Variants in PTPRD observed in about 807,000 individuals in gnomAD.
PTPRD encodes the protein receptor-type tyrosine-protein phosphatase delta.
A neutral mutation model predicts 214.5 loss-of-function variants in PTPRD; 34 were observed. That is an observed-to-expected ratio of 0.16 (90% CI 0.12 to 0.21). PTPRD has a LOEUF of 0.21. Among genes scored for constraint, PTPRD ranks in the 10% least tolerant of loss-of-function variants. PTPRD has a pLI of 1.00. For missense variants in PTPRD, 2,545 were observed against 2,398.7 expected, an observed-to-expected ratio of 1.06 and a Z score of -1.27; for synonymous variants, 1,128 against 845.7, an observed-to-expected ratio of 1.33 and a Z score of -5.79.
chr9:8,526,943 T>C (rs2074311765), intron 16 of PTPRD, among the ~76,000 whole-genome samples: 1 of 149,920 alleles, frequency 6.7e-6, no homozygotes, highest in Non-Finnish European at 1.5e-5. Context: ...TTATATCTTA[T>C]ATGCCTCATA....
rs144439068 is a variant in PTPRD at position 8,435,698 on chromosome 9, A to AATAT, written c.4086+893_4086+894insATAT. ...TGATTGATATATACCACAATATCCA[A>AATAT]ATACACACACACACACACACACACA... On this transcript the variant is annotated intron_variant, in intron 35 of 45. Transcript: ENST00000381196. 2.8e-5 allele frequency among the ~76,000 whole-genome samples: 3 copies of AATAT among 106,860 alleles called. No homozygotes were observed. The South Asian group carries it at 8.9e-4, about 32-fold the overall frequency. The allele number at this position is 106,860 out of a possible 152,430, so 70.1% of individuals were successfully genotyped here. A position where few individuals can be genotyped will look rare whatever the true frequency, so the allele number is the denominator to read the frequency against.
At chr9:8,670,483 G>A (rs2097261012) in intron 12 of PTPRD, among the ~76,000 whole-genome samples, 2 of 152,096 alleles carry the variant, frequency 1.3e-5, no homozygotes, top group South Asian at 4.1e-4. Context: ...TGGCTAATAA[G>A]TAGATTTTAC....
chr9:9,525,814 C>CTTT (rs1199877995), intron 8 of PTPRD, among the ~76,000 whole-genome samples: 1 of 145,404 alleles, frequency 6.9e-6, no homozygotes, highest in African/African-American at 2.5e-5. Flanking sequence ...CCTTTGTAAA[C>CTTT]TTTTTTTTTT....
intron 7 of PTPRD, among the ~76,000 whole-genome samples, chr9:9,665,043 A>G (rs2096691440): frequency 6.6e-6 from 1 of 151,714 alleles, no homozygotes. Context: ...GTCACTCTTC[A>G]TATGTGTATA....
intron 11 of PTPRD, among the ~76,000 whole-genome samples, chr9:9,014,557 C>T (rs547355967): frequency 5.3e-5 from 8 of 152,154 alleles, no homozygotes; most frequent in African/African-American, 1.9e-4. Flanking sequence ...GATTCCTTGC[C>T]AGGAATAATC....
chr9:8,473,285 T>A (rs887557884), intron 30 of PTPRD, among the ~76,000 whole-genome samples: 5 of 152,148 alleles, frequency 3.3e-5, no homozygotes, highest in Admixed American at 1.3e-4. Context: ...TCAAGGAGGA[T>A]GAGGAGAAGG....
chr9:8,479,737 A>C (rs535474847), intron 30 of PTPRD, among the ~76,000 whole-genome samples: 2 of 152,344 alleles, frequency 1.3e-5, no homozygotes, highest in East Asian at 3.9e-4. Context: ...TAAATAAAAG[A>C]AAGTATTGAA....
intron 8 of PTPRD, among the ~76,000 whole-genome samples, chr9:9,468,981 C>T (rs1458470807): frequency 6.6e-6 from 1 of 152,016 alleles, no homozygotes; most frequent in Non-Finnish European, 1.5e-5. Context: ...ACCATTCAAT[C>T]CTTCATCAAA....
chr9:9,275,127 ATTAT>A (rs1287978206), intron 9 of PTPRD, among the ~76,000 whole-genome samples: 1 of 55,212 alleles, frequency 1.8e-5, no homozygotes, highest in Non-Finnish European at 3.3e-5. Context: ...TATTATATAT[ATTAT>A]ATATAATATA....
At chr9:8,338,872 T>C (rs759963520) in intron 43 of PTPRD, 50 bp downstream of exon 43, 1 of 916,504 alleles carries the variant, frequency 1.1e-6, no homozygotes, top group South Asian at 1.8e-5. Context: ...AGAGGTATCT[T>C]AGACTACTTT....
In PTPRD at chr9:8,731,826, G is replaced by T. The variant is rs544770887; in HGVS notation, c.64+1954C>A. On this transcript the variant is annotated intron_variant, in intron 12 of 45. Coordinates refer to ENST00000381196, the MANE Select transcript of PTPRD (RefSeq NM_002839.4). Reference sequence around the variant, plus strand: ...AGAGTGCCAAATGAATCTGTGAAAAGGAAAATATACTACATGGAGGCTGAT... The same window carrying T: ...AGAGTGCCAAATGAATCTGTGAAAATGAAAATATACTACATGGAGGCTGAT... 4.7e-4 allele frequency among the ~76,000 whole-genome samples: 71 copies of T among 152,298 alleles called. 2 individuals carry two copies. Among genetic ancestry groups the T allele is most frequent in the African/African-American group, 1.7e-3 (69 of 41,554 alleles).
rs190007027 is a variant in PTPRD, at chr9:10,303,498, A to G, written c.-545+37465T>C. Among the ~76,000 whole-genome samples, 77 of 152,304 alleles carry G rather than the reference A, an allele frequency of 5.1e-4. 1 individual carries two copies. The highest frequency in any genetic ancestry group is 1.4e-3 in the African/African-American group (58 of 41,586). ...AGCTGTTTTTTATAAAAGATCAACA[A>G]AATAGATAGACCACTAGACAGACTA... On this transcript the variant is annotated intron_variant, in intron 3 of 45. Transcript: ENST00000381196.
At chr9:8,546,079 C>A (rs2080053582) in intron 14 of PTPRD, among the ~76,000 whole-genome samples, 1 of 152,182 alleles carries the variant, frequency 6.6e-6, no homozygotes, top group Non-Finnish European at 1.5e-5. Context: ...CTTAACCGAC[C>A]ACATAGTGTT....
At chr9:10,483,778 G>C (rs1299722255) in intron 2 of PTPRD, among the ~76,000 whole-genome samples, 2 of 152,090 alleles carry the variant, frequency 1.3e-5, no homozygotes, top group East Asian at 1.9e-4. Flanking sequence ...AAAAACAATA[G>C]ATGTTGGCAC....
In PTPRD at chr9:8,439,520, G is replaced by C. The variant is rs527562239; in HGVS notation, c.3989-2831C>G. Among the ~76,000 whole-genome samples the C allele has an allele frequency of 2.0e-5, 3 of 152,256 alleles. No individual in the cohort carries two copies. In the East Asian group the frequency reaches 5.8e-4, roughly 29 times the overall value. On this transcript the variant is annotated intron_variant, in intron 34 of 45. Transcript: ENST00000381196. Reference sequence around the variant, plus strand: ...ATTGTTTATTTTTTGAACTATTTAAGTTTGTTGCTATTTTCTTTCATTAGC... The same window carrying C: ...ATTGTTTATTTTTTGAACTATTTAACTTTGTTGCTATTTTCTTTCATTAGC...
intron 8 of PTPRD, among the ~76,000 whole-genome samples, chr9:9,410,834 A>G (rs2075154247): frequency 1.3e-5 from 2 of 152,154 alleles, no homozygotes; most frequent in Admixed American, 6.5e-5. Flanking sequence ...TCCTGCATAC[A>G]CATGTAAACA....
chr9:9,203,214 G>A (rs897845708), intron 9 of PTPRD, among the ~76,000 whole-genome samples: 2 of 151,788 alleles, frequency 1.3e-5, no homozygotes, highest in East Asian at 1.9e-4. Flanking sequence ...TGAGTGACAA[G>A]AGCGAGACTC....
At chr9:8,760,567 ATT>A (rs1447704440) in intron 11 of PTPRD, among the ~76,000 whole-genome samples, 1 of 150,066 alleles carries the variant, frequency 6.7e-6, no homozygotes, top group Non-Finnish European at 1.5e-5. Context: ...CTCAGTGTGC[ATT>A]TTCTCTCTCC....
intron 8 of PTPRD, among the ~76,000 whole-genome samples, chr9:9,495,344 A>G (rs942577362): frequency 4.0e-5 from 6 of 151,578 alleles, no homozygotes; most frequent in Non-Finnish European, 7.4e-5. Context: ...AACAACAACA[A>G]CAAAAACCCA....
Sources: gnomAD v4.1 joint callset for allele counts (sites outside exome capture counted in the v4.1 genomes callset) on GRCh38, gnomAD v4.1.1 for gene constraint, MANE v1.5 for transcripts, NCBI Gene and HGNC (gene_info 2026-07-23, HGNC 2026-07-21) for gene names.